CAND2: variants seen among roughly 807,000 people sequenced by gnomAD.
CAND2 encodes the protein cullin-associated NEDD8-dissociated protein 2.
A neutral mutation model predicts 98.9 loss-of-function variants in CAND2; 62 were observed. The ratio of observed to expected loss-of-function variants is 0.63; its 90% CI spans 0.51 to 0.77. CAND2 has a LOEUF of 0.77. CAND2 is among the 30% of genes least tolerant of loss of function. The pLI, the probability that CAND2 is intolerant of heterozygous loss-of-function variation, is 0.00. For synonymous variants in CAND2, 770 were observed against 731.9 expected, an observed-to-expected ratio of 1.05 and a Z score of -0.84; for missense variants, 1,501 against 1,655.2, an observed-to-expected ratio of 0.91 and a Z score of 1.62.
chr3:12,802,989 T>G (rs111973076), intron 1 of CAND2, among the ~76,000 whole-genome samples: 17,989 of 54,874 alleles, frequency 0.33, 2,194 homozygotes, highest in African/African-American at 0.51. Flanking sequence ...CATTAAAATC[T>G]TTTTTTTTTT....
In CAND2 at chr3:12,824,659, G is replaced by A. The variant is rs548964401; in HGVS notation, c.3041-811G>A. ...CACAGTGGCTCATGCCTGTAATCTC[G>A]GCACTGTGGGTGGCCGAGGTGGTGG... On this transcript the variant is annotated intron_variant, in intron 11 of 14. Coordinates refer to ENST00000456430, the MANE Select transcript of CAND2 (RefSeq NM_001162499.2). Among the ~76,000 whole-genome samples the A allele has an allele frequency of 2.0e-5, 3 of 152,256 alleles. 1 individual carries two copies. The highest frequency in any genetic ancestry group is 1.3e-4 in the Admixed American group (2 of 15,278).
chr3:12,822,743 C>A (rs893851991), intron 11 of CAND2, among the ~76,000 whole-genome samples: 5 of 152,116 alleles, frequency 3.3e-5, no homozygotes, highest in South Asian at 2.1e-4. Context: ...ATTTTGAATC[C>A]AAAATCTGGA....
In CAND2 at chr3:12,807,400, C is replaced by G. The variant is rs1034238003; in HGVS notation, c.307C>G (p.Arg103Gly). The change falls in exon 3 of 15, where the codon CGA becomes GGA. Residue 103 changes from arginine to glycine, a missense_variant. Coordinates refer to ENST00000456430, the MANE Select transcript of CAND2 (RefSeq NM_001162499.2). ...TNMRSDKEQLRDIAGIGLKTV... is the reference protein window; with the variant it reads ...TNMRSDKEQLGDIAGIGLKTV... The stretch of plus-strand genomic sequence containing the variant: ...CATGCGGTCAGACAAGGAGCAGCTG[C>G]GAGACATTGCCGGCATTGGCCTCAA... 1.3e-6 allele frequency: 2 copies of G among 1,551,618 alleles called. No individual in the cohort carries two copies. Among genetic ancestry groups the G allele is most frequent in the Non-Finnish European group, 1.7e-6 (2 of 1,147,008 alleles).
intron 10 of CAND2, among the ~76,000 whole-genome samples, chr3:12,819,404 A>G (rs551454909): frequency 6.6e-6 from 1 of 152,312 alleles, no homozygotes; most frequent in African/African-American, 2.4e-5. Context: ...CACTGAGGAG[A>G]GATTCAGACG....
Position 12,817,225 on chromosome 3 carries a change from G to A in CAND2, c.2293G>A (p.Val765Ile). ...AAAEGFLQAL[V>I]GTRPPCVDYA... ...TGCTGAAGGCTTCCTGCAGGCCCTGGTAGGGACCCGTCCCCCGTGTGTGGA... is the reference window on the plus strand; with the variant it reads ...TGCTGAAGGCTTCCTGCAGGCCCTGATAGGGACCCGTCCCCCGTGTGTGGA... Residue 765 changes from valine to isoleucine, a missense_variant, in exon 10 of 15, where the codon GTA (valine) becomes ATA (isoleucine). Physicochemically the swap from Val to Ile is conservative, Grantham distance 29 (BLOSUM62 3). This residue lies in a region of CAND2 where 1,427 missense variants were observed against 1,545.3 expected (regional missense o/e 0.92). Coordinates refer to ENST00000456430, the MANE Select transcript of CAND2 (RefSeq NM_001162499.2). The A allele has an allele frequency of 6.2e-7, 1 of 1,613,730 alleles. No homozygotes were observed. Among genetic ancestry groups the A allele is most frequent in the Non-Finnish European group, 8.5e-7 (1 of 1,180,022 alleles).
At position 12,812,996 on chromosome 3, in the gene CAND2, A is replaced by G. The variant is rs1163829215; in HGVS notation, c.764A>G (p.His255Arg). Reference sequence around the variant, plus strand: ...GATCCACCTGGCCCTGCAGGGGCTCACCTGGACCGCCTGGTGCCCCTGGTG... The same window carrying G: ...GATCCACCTGGCCCTGCAGGGGCTCGCCTGGACCGCCTGGTGCCCCTGGTG... ...GRQAGHRLGA[H>R]LDRLVPLVED... The change falls in exon 6 of 15, where the codon CAC (histidine) becomes CGC (arginine). Residue 255 changes from histidine to arginine, a missense_variant. Coordinates refer to ENST00000456430, the MANE Select transcript of CAND2 (RefSeq NM_001162499.2). 1 of 1,569,628 alleles carries G rather than the reference A, an allele frequency of 6.4e-7. No individual in the cohort carries two copies. The highest frequency in any genetic ancestry group is 8.6e-7 in the Non-Finnish European group (1 of 1,157,632).
chr3:12,826,863 C>G (rs925850939), intron 12 of CAND2, among the ~76,000 whole-genome samples: 3 of 146,944 alleles, frequency 2.0e-5, no homozygotes, highest in Admixed American at 6.8e-5. Context: ...TGGAGTCTCG[C>G]TCTGTCACCC....
At position 12,827,569 on chromosome 3, in the gene CAND2, G is replaced by A. The variant is rs1311116504; in HGVS notation, c.3340G>A (p.Val1114Met). ...GGATATCTGTGAGTTCCTGAACCAT[G>A]TGGAGGACGGGCTGAAGGACCACTA... The part of the protein sequence containing the change: ...QLDICEFLNH[V>M]EDGLKDHYDI... Residue 1114 changes from valine (V) to methionine (M), a missense_variant, in exon 13 of 15, where the codon GTG becomes ATG. By Grantham distance (21) the Val-to-Met change is conservative (BLOSUM62 1). This residue lies in a region of CAND2 where 1,427 missense variants were observed against 1,545.3 expected (regional missense o/e 0.92). Coordinates refer to ENST00000456430, the MANE Select transcript of CAND2 (RefSeq NM_001162499.2). The A allele has an allele frequency of 1.9e-6, 3 of 1,613,682 alleles. No homozygotes were observed. The highest frequency in any genetic ancestry group is 2.5e-6 in the Non-Finnish European group (3 of 1,179,734).
chr3:12,796,923 GC>G, intron 1 of CAND2, 135 bp downstream of exon 1: 2 of 742,296 alleles, frequency 2.7e-6, no homozygotes, highest in Non-Finnish European at 4.6e-6. Flanking sequence ...GCATTAAGCT[GC>G]CCCCCTCCCC....
chr3:12,809,288 G>A (rs2061831073), intron 4 of CAND2, among the ~76,000 whole-genome samples: 1 of 152,034 alleles, frequency 6.6e-6, no homozygotes, highest in Non-Finnish European at 1.5e-5. Flanking sequence ...GCTCCTGGGA[G>A]GCACTCACTC....
intron 2 of CAND2, among the ~76,000 whole-genome samples, chr3:12,805,292 T>C (rs77430773): frequency 7.5e-6 from 1 of 133,680 alleles, no homozygotes; most frequent in Non-Finnish European, 1.6e-5. Context: ...TTTTTTCTTC[T>C]TTTTTTTTTT....
chr3:12,831,585 C>T lies in CAND2; in HGVS notation c.3483+13C>T. ...CTGCACTGCCAAGGTAAGTCCCTGG[C>T]CCAGCCCTAGCCCAGGCCCTGGAGC... is the stretch of plus-strand genomic sequence containing the variant. On this transcript the variant is annotated intron_variant, in intron 14 of 14. Transcript: ENST00000456430. The T allele has an allele frequency of 6.3e-7, 1 of 1,590,692 alleles. No homozygotes were observed. The highest frequency in any genetic ancestry group is 8.6e-7 in the Non-Finnish European group (1 of 1,163,346).
At chr3:12,796,858 G>C in intron 1 of CAND2, 70 bp downstream of exon 1, 2 of 1,278,992 alleles carry the variant, frequency 1.6e-6, no homozygotes, top group South Asian at 1.3e-5. Flanking sequence ...CCCTCTCGAA[G>C]CGCCAGCCCA....
chr3:12,813,976 AT>A (rs2124850117), intron 7 of CAND2, among the ~76,000 whole-genome samples: 1 of 152,314 alleles, frequency 6.6e-6, no homozygotes, highest in East Asian at 1.9e-4. Flanking sequence ...GATGGAGACG[AT>A]GGATTTAGAG....
chr3:12,821,041 C>T (rs931626138), intron 11 of CAND2, among the ~76,000 whole-genome samples: 1 of 152,130 alleles, frequency 6.6e-6, no homozygotes, highest in Non-Finnish European at 1.5e-5. Context: ...CAAGACCAGC[C>T]TGGCCAACAC....
chr3:12,831,543 G>A lies in CAND2; in HGVS notation c.3454G>A (p.Glu1152Lys), dbSNP rs780761776. The A allele has an allele frequency of 9.9e-6, 16 of 1,613,420 alleles. No individual in the cohort carries two copies. In the African/African-American group the frequency reaches 1.5e-4, roughly 15 times the overall value. The change falls in exon 14 of 15, where the codon GAG becomes AAG. Residue 1152 changes from glutamate to lysine, a missense_variant. Physicochemically the swap from Glu to Lys is moderately conservative, Grantham distance 56. Coordinates refer to ENST00000456430, the MANE Select transcript of CAND2 (RefSeq NM_001162499.2). ...CCTGCAGAGGGTGGACCGACTCATTGAGCCACTAAGGGCCACCTGCACTGC... is the reference window on the plus strand; with the variant it reads ...CCTGCAGAGGGTGGACCGACTCATTAAGCCACTAAGGGCCACCTGCACTGC... ...PVLQRVDRLI[E>K]PLRATCTAKV... is the part of the protein sequence containing the mutation.
At chr3:12,814,700 TG>T (rs534214169) in intron 7 of CAND2, among the ~76,000 whole-genome samples, 84 of 152,248 alleles carry the variant, frequency 5.5e-4, no homozygotes, top group African/African-American at 1.9e-3. Context: ...AGATGAGTTT[TG>T]TGCCCCAAAT....
chr3:12,816,429 C>T lies in CAND2; in HGVS notation c.1497C>T (p.Ala499=). The change falls in exon 10 of 15, where the codon GCC becomes GCT. Residue 499 remains alanine, a synonymous_variant. Transcript: ENST00000456430. ...GCTCCTCCACCATCCGGATGGATGC[C>T]CTGGCCTTCTTGCAGGGGCTGCTGG... ...RSSSSTIRMD[A]LAFLQGLLGT... is the part of the protein sequence containing the mutation. The T allele has an allele frequency of 5.6e-6, 9 of 1,613,922 alleles. No individual in the cohort carries two copies. Among genetic ancestry groups the T allele is most frequent in the Non-Finnish European group, 7.6e-6 (9 of 1,179,984 alleles).
chr3:12,808,560 A>G (rs1050680877), intron 4 of CAND2, among the ~76,000 whole-genome samples: 3 of 152,218 alleles, frequency 2.0e-5, no homozygotes, highest in African/African-American at 7.2e-5. Context: ...CTGGCCAGAA[A>G]AATGTCAGGT....
Sources: allele counts gnomAD v4.1 joint callset (sites outside exome capture counted in the v4.1 genomes callset), GRCh38; gene constraint gnomAD v4.1.1; regional missense constraint gnomAD v4.1.1; transcripts MANE v1.5; gene names NCBI Gene and HGNC (gene_info 2026-07-23, HGNC 2026-07-21).